PSAP: variants seen among roughly 807,000 people sequenced by gnomAD.
PSAP encodes prosaposin, also known as precursor of saposins.
A neutral mutation model predicts 66.0 loss-of-function variants in PSAP; 25 were observed. That is an observed-to-expected ratio of 0.38 (90% CI 0.28 to 0.53). PSAP has a LOEUF of 0.53. Ranked by LOEUF, PSAP falls within the 20% of genes least tolerant of loss-of-function variation. PSAP has a pLI of 0.83. For missense variants in PSAP, 649 were observed against 668.8 expected, an observed-to-expected ratio of 0.97 and a Z score of 0.33; for synonymous variants, 273 against 258.9, an observed-to-expected ratio of 1.05 and a Z score of -0.52.
intron 1 of PSAP, among the ~76,000 whole-genome samples, chr10:71,842,224 G>C (rs1842744669): frequency 6.6e-6 from 1 of 152,174 alleles, no homozygotes; most frequent in South Asian, 2.1e-4. Flanking sequence ...TTCTGCGGAG[G>C]CATGTGACAT....
chr10:71,850,258 C>T (rs961473552), intron 1 of PSAP, among the ~76,000 whole-genome samples: 4 of 151,816 alleles, frequency 2.6e-5, no homozygotes, highest in African/African-American at 7.3e-5. Context: ...TATTTTACAA[C>T]GTGCTCGCTC....
At position 71,816,717 on chromosome 10, in the gene PSAP, G is replaced by A. The variant is rs908088375; in HGVS notation, c.*724C>T. 6 of 270,010 alleles carry A rather than the reference G, an allele frequency of 2.2e-5. No homozygotes were observed. Among genetic ancestry groups the A allele is most frequent in the Non-Finnish European group, 3.8e-5 (5 of 130,668 alleles). 16.7% of individuals were successfully genotyped at this position (270,010 alleles called of 1,614,324 possible). A position where few individuals can be genotyped will look rare whatever the true frequency, so the allele number is the denominator to read the frequency against. On this transcript the variant is annotated 3_prime_UTR_variant, in exon 14 of 14. Transcript: ENST00000394936. ...CACAAGCCAGGCCCGCAGGGCCTTC[G>A]GAGAGCTAGCAGGTTACATTCAGGC...
At chr10:71,838,571 T>A (rs1353342883) in intron 1 of PSAP, among the ~76,000 whole-genome samples, 1 of 152,132 alleles carries the variant, frequency 6.6e-6, no homozygotes, top group Non-Finnish European at 1.5e-5. Flanking sequence ...AGAATGCATT[T>A]AACATCCACC....
intron 1 of PSAP, among the ~76,000 whole-genome samples, chr10:71,842,344 A>AT (rs1842746407): frequency 6.6e-6 from 1 of 152,174 alleles, no homozygotes. Flanking sequence ...TTTGGAAAAT[A>AT]TTTTTTCATT....
chr10:71,846,906 C>T (rs1282599702), intron 1 of PSAP, among the ~76,000 whole-genome samples: 1 of 152,194 alleles, frequency 6.6e-6, no homozygotes, highest in Non-Finnish European at 1.5e-5. Context: ...CTGCTAGAAG[C>T]TGCCTCCAAA....
At chr10:71,821,397 G>A (rs1315054324) in intron 8 of PSAP, among the ~76,000 whole-genome samples, 1 of 152,226 alleles carries the variant, frequency 6.6e-6, no homozygotes. Context: ...ATGGGATGAA[G>A]TAGTCTAATC....
Position 71,825,578 on chromosome 10 carries a change from AACGGGC to A in PSAP, c.777+253_777+258del. 7.2e-6 allele frequency: 4 copies of A among 554,572 alleles called. 1 individual carries two copies. Among genetic ancestry groups the A allele is most frequent in the Admixed American group, 2.6e-5 (1 of 38,824 alleles). The allele number at this position is 554,572 out of a possible 1,614,324, so 34.4% of individuals were successfully genotyped here. A position where few individuals can be genotyped will look rare whatever the true frequency, so the allele number is the denominator to read the frequency against. On this transcript the variant is annotated intron_variant, in intron 7 of 13. Transcript: ENST00000394936. ...ACCTAGAAACCTGATGGCTGGCCTG[AACGGGC>A]AGAGGCAAACAAATTGCCAGGAAGC...
intron 2 of PSAP, among the ~76,000 whole-genome samples, chr10:71,833,016 C>CAATAAAA (rs1842548869): frequency 2.0e-5 from 1 of 50,708 alleles, no homozygotes; most frequent in African/African-American, 8.5e-5. Flanking sequence ...GAGTCCATCT[C>CAATAAAA]AAAAAAAAAA....
intron 1 of PSAP, among the ~76,000 whole-genome samples, chr10:71,841,274 C>A (rs1195142307): frequency 6.6e-6 from 1 of 152,228 alleles, no homozygotes; most frequent in Non-Finnish European, 1.5e-5. Context: ...TGCACATTTG[C>A]AGAAGATAAT....
intron 6 of PSAP, among the ~76,000 whole-genome samples, chr10:71,827,554 C>A (rs112639787): frequency 1.1e-4 from 16 of 151,814 alleles, no homozygotes; most frequent in African/African-American, 3.4e-4. Context: ...CGGTGAAACC[C>A]CATCTCTACT....
chr10:71,827,678 G>A lies in PSAP; in HGVS notation c.720+336C>T, dbSNP rs535159641. Among the ~76,000 whole-genome samples, 8 of 146,622 alleles carry A rather than the reference G, an allele frequency of 5.5e-5. 1 individual carries two copies. The South Asian group carries it at 1.7e-3, about 31-fold the overall frequency. ...TGAGGTAGAGGTTGCAGTGAGCTGAGATCACGCCACTGCACTCCAGCCTGG... is the reference window on the plus strand; with the variant it reads ...TGAGGTAGAGGTTGCAGTGAGCTGAAATCACGCCACTGCACTCCAGCCTGG... On this transcript the variant is annotated intron_variant, in intron 6 of 13. Transcript: ENST00000394936.
intron 1 of PSAP, among the ~76,000 whole-genome samples, chr10:71,840,626 A>T (rs781159828): frequency 6.6e-6 from 1 of 152,208 alleles, no homozygotes; most frequent in Non-Finnish European, 1.5e-5. Flanking sequence ...CTCATATCAC[A>T]TAAGAAATCA....
intron 7 of PSAP, chr10:71,822,236 C>T (rs1842317317): frequency 5.1e-6 from 3 of 587,392 alleles, no homozygotes; most frequent in Non-Finnish European, 9.1e-6. Context: ...ACACAAAGCT[C>T]CTAAGGAACA....
chr10:71,839,558 A>C (rs1486033490), intron 1 of PSAP, among the ~76,000 whole-genome samples: 1 of 152,194 alleles, frequency 6.6e-6, no homozygotes, highest in African/African-American at 2.4e-5. Context: ...ACTTTTTTAA[A>C]GACATAGATT....
intron 13 of PSAP, among the ~76,000 whole-genome samples, chr10:71,818,088 G>C (rs76161550): frequency 1.3e-5 from 2 of 152,232 alleles, no homozygotes; most frequent in African/African-American, 4.8e-5. Context: ...AACAGGGACC[G>C]AACCAAACAT....
intron 1 of PSAP, among the ~76,000 whole-genome samples, chr10:71,836,984 G>A (rs1842638658): frequency 6.6e-6 from 1 of 152,198 alleles, no homozygotes; most frequent in Non-Finnish European, 1.5e-5. Flanking sequence ...AATACAAACT[G>A]ACTGTCACTT....
rs778854258 is a variant in PSAP at position 71,831,229 on chromosome 10, T to C, written c.272A>G (p.Glu91Gly). Residue 91 changes from glutamate (E) to glycine (G), a missense_variant, in exon 4 of 14, where the codon GAG becomes GGG. Glu to Gly is a moderately conservative substitution (Grantham distance 98). Transcript: ENST00000394936. Reference sequence around the variant, plus strand: ...TTTCGGAAGCCAGTCACAGGTCTTCTCCAAGTAAACAAGGATCTCCTCCTA... The same window carrying C: ...TTTCGGAAGCCAGTCACAGGTCTTCCCCAAGTAAACAAGGATCTCCTCCTA... ...ATEEEILVYL[E>G]KTCDWLPKPN... 6.2e-7 allele frequency: 1 copy of C among 1,614,038 alleles called. No individual in the cohort carries two copies. Among genetic ancestry groups the C allele is most frequent in the Non-Finnish European group, 8.5e-7 (1 of 1,179,980 alleles).
At chr10:71,843,446 T>C (rs529553585) in intron 1 of PSAP, among the ~76,000 whole-genome samples, 7 of 152,228 alleles carry the variant, frequency 4.6e-5, no homozygotes, top group Non-Finnish European at 8.8e-5. Context: ...CAGAACAGCA[T>C]CCCATCACAG....
At chr10:71,831,018 T>G in intron 4 of PSAP, 108 bp downstream of exon 4, 7 of 1,520,334 alleles carry the variant, frequency 4.6e-6, no homozygotes, top group Non-Finnish European at 6.3e-6. Context: ...TGTTGAGGAA[T>G]TCCAGAGCTA....
Sources: allele counts gnomAD v4.1 joint callset (sites outside exome capture counted in the v4.1 genomes callset), GRCh38; gene constraint gnomAD v4.1.1; transcripts MANE v1.5; gene names NCBI Gene and HGNC (gene_info 2026-07-23, HGNC 2026-07-21).